SASS6: variants seen among roughly 807,000 people sequenced by gnomAD.
The protein encoded by SASS6 is SAS-6 centriolar assembly protein.
SASS6 carries 59 observed loss-of-function variants against 94.9 expected under a neutral mutation model. The observed-to-expected ratio is 0.62, with a 90% CI of 0.50 to 0.77. The LOEUF is 0.77. SASS6 is among the 30% of genes least tolerant of loss of function. The pLI is 0.00. For missense variants in SASS6, 698 were observed against 734.1 expected (o/e 0.95, Z 0.57); for synonymous variants, 264 against 270.0 (o/e 0.98, Z 0.22).
chr1:100,088,209 G>C lies in SASS6; in HGVS notation c.1702C>G (p.Pro568Ala). 1 of 1,601,914 alleles carries C rather than the reference G, an allele frequency of 6.2e-7. No homozygotes were observed. Among genetic ancestry groups the C allele is most frequent in the Non-Finnish European group, 8.6e-7 (1 of 1,169,260 alleles). Residue 568 changes from proline (P) to alanine (A), a missense_variant, in exon 15 of 17, where the codon CCA becomes GCA. Coordinates refer to ENST00000287482, the MANE Select transcript of SASS6 (RefSeq NM_194292.3). ...TGAACATCTCCTAGTGATGCATTTG[G>C]TTTTGTAAACTGCAAATTAAACTGA... is the stretch of plus-strand genomic sequence containing the variant. ...KVQFNLQFTK[P>A]NASLGDVQSG...
chr1:100,092,343 A>T (rs1651774058), intron 14 of SASS6, among the ~76,000 whole-genome samples: 1 of 152,202 alleles, frequency 6.6e-6, no homozygotes, highest in South Asian at 2.1e-4. Context: ...ATGTATCAAG[A>T]GAAAATATCA....
At chr1:100,111,054 G>A (rs1049466105) in intron 7 of SASS6, among the ~76,000 whole-genome samples, 3 of 151,888 alleles carry the variant, frequency 2.0e-5, no homozygotes, top group Admixed American at 6.6e-5. Context: ...TGTCTGAATC[G>A]TATCACAAAC....
chr1:100,117,181 A>G (rs574583177), intron 7 of SASS6, among the ~76,000 whole-genome samples: 2 of 151,884 alleles, frequency 1.3e-5, no homozygotes, highest in African/African-American at 4.8e-5. Flanking sequence ...AATTCCAGCT[A>G]CTTGGGAGGC....
chr1:100,107,840 T>G lies in SASS6; in HGVS notation c.1026A>C (p.Lys342Asn). The G allele has an allele frequency of 1.9e-6, 3 of 1,612,728 alleles. No individual in the cohort carries two copies. Among genetic ancestry groups the G allele is most frequent in the Non-Finnish European group, 2.5e-6 (3 of 1,179,016 alleles). The change falls in exon 9 of 17, where the codon AAA becomes AAC. Residue 342 changes from lysine to asparagine, a missense_variant. Coordinates refer to ENST00000287482, the MANE Select transcript of SASS6 (RefSeq NM_194292.3). ...GTTCCTGGATTGTATCAAATGCCTC[T>G]TTTGTTCTTAAAACAAGCTGGTCCT... ...KDKDQLVLRTKEAFDTIQEQK... is the reference protein window; with the variant it reads ...KDKDQLVLRTNEAFDTIQEQK...
At position 100,085,270 on chromosome 1, in the gene SASS6, ATTTT is replaced by A; in HGVS notation, c.*54_*57del. 1 of 1,088,746 alleles carries A rather than the reference ATTTT, an allele frequency of 9.2e-7. No homozygotes were observed. The highest frequency in any genetic ancestry group is 1.2e-5 in the South Asian group (1 of 80,314). 67.4% of individuals were successfully genotyped at this position (1,088,746 alleles called of 1,614,324 possible). On this transcript the variant is annotated 3_prime_UTR_variant, in exon 17 of 17. Transcript: ENST00000287482. The stretch of plus-strand genomic sequence containing the variant: ...TTGAGGATCTGGTTTGTGTTGACAT[ATTTT>A]TTAAGCACCTGAGTTTCTAAAATAC...
chr1:100,119,706 T>C (rs911678662), intron 6 of SASS6, among the ~76,000 whole-genome samples: 3 of 152,174 alleles, frequency 2.0e-5, no homozygotes, highest in Non-Finnish European at 4.4e-5. Context: ...TCTGGATGTT[T>C]AAAAGCATGT....
intron 7 of SASS6, 105 bp from the exon 8 acceptor site, chr1:100,110,588 T>C: frequency 1.8e-6 from 1 of 557,280 alleles, no homozygotes; most frequent in African/African-American, 1.9e-5. Context: ...TATTTTTTCT[T>C]TTTCTTTTTT....
In SASS6 at chr1:100,109,804, A is replaced by T. The variant is rs146657839; in HGVS notation, c.861+488T>A. 1.6e-3 allele frequency among the ~76,000 whole-genome samples: 251 copies of T among 152,182 alleles called. 3 individuals carry two copies. The highest frequency in any genetic ancestry group is 5.7e-3 in the African/African-American group (235 of 41,560). Reference sequence around the variant, plus strand: ...AGTTCCTACCTTAAATAACTGTTGTAACAATAAAATGAGTTAATATATGTA... The same window carrying T: ...AGTTCCTACCTTAAATAACTGTTGTTACAATAAAATGAGTTAATATATGTA... On this transcript the variant is annotated intron_variant, in intron 8 of 16. Coordinates refer to ENST00000287482, the MANE Select transcript of SASS6 (RefSeq NM_194292.3).
intron 14 of SASS6, among the ~76,000 whole-genome samples, chr1:100,097,671 C>CA (rs1652199195): frequency 6.6e-6 from 1 of 151,500 alleles, no homozygotes; most frequent in Admixed American, 6.6e-5. Context: ...CAAAAAAATG[C>CA]AAAAAAAGGT....
chr1:100,121,026 G>A (rs1464707777), intron 5 of SASS6, among the ~76,000 whole-genome samples: 1 of 147,934 alleles, frequency 6.8e-6, no homozygotes, highest in Non-Finnish European at 1.5e-5. Flanking sequence ...CTCCAGCCTG[G>A]GCGACAGAGC....
chr1:100,127,594 G>A (rs1474187488), intron 1 of SASS6, among the ~76,000 whole-genome samples: 1 of 152,180 alleles, frequency 6.6e-6, no homozygotes, highest in Non-Finnish European at 1.5e-5. Context: ...CCAGAGAGAG[G>A]AAGAATTATT....
intron 14 of SASS6, among the ~76,000 whole-genome samples, chr1:100,102,352 C>CT (rs146613082): frequency 0.041 from 6,270 of 151,944 alleles, 312 homozygotes; most frequent in African/African-American, 0.12. Context: ...GGCCTGAGAG[C>CT]GTAGGAGACA....
intron 7 of SASS6, among the ~76,000 whole-genome samples, chr1:100,112,080 A>T (rs1653377879): frequency 7.0e-6 from 1 of 143,006 alleles, no homozygotes; most frequent in Non-Finnish European, 1.6e-5. Flanking sequence ...ATACATTAAA[A>T]ATTTTCCATT....
At chr1:100,085,504 T>C (rs1296621007) in intron 16 of SASS6, 32 bp downstream of exon 16, 1 of 1,581,638 alleles carries the variant, frequency 6.3e-7, no homozygotes, top group Non-Finnish European at 8.7e-7. Flanking sequence ...AATTCAACTA[T>C]AAAGTACAAA....
intron 5 of SASS6, 83 bp from the exon 6 acceptor site, chr1:100,120,542 T>C (rs1193091557): frequency 1.2e-5 from 8 of 660,646 alleles, no homozygotes; most frequent in Non-Finnish European, 2.2e-5. Context: ...ATCAGCATCA[T>C]CCTGGAAGCC....
chr1:100,118,989 A>AT (rs753156789), intron 7 of SASS6, 29 bp downstream of exon 7: 39 of 1,465,014 alleles, frequency 2.7e-5, no homozygotes, highest in Non-Finnish European at 3.5e-5. Context: ...AATAAAAGAT[A>AT]TTTTTTCAGT....
At chr1:100,089,827 T>C (rs1349897489) in intron 14 of SASS6, among the ~76,000 whole-genome samples, 3 of 151,842 alleles carry the variant, frequency 2.0e-5, no homozygotes, top group East Asian at 1.9e-4. Context: ...AGTGTGTAAA[T>C]AGTAATGTAT....
intron 14 of SASS6, among the ~76,000 whole-genome samples, chr1:100,088,993 T>C (rs1335018510): frequency 6.6e-6 from 1 of 151,912 alleles, no homozygotes; most frequent in Non-Finnish European, 1.5e-5. Flanking sequence ...GATTCAGAAA[T>C]GGTAGAAATT....
chr1:100,107,258 G>T, intron 11 of SASS6, 116 bp downstream of exon 11: 1 of 679,476 alleles, frequency 1.5e-6, no homozygotes. Flanking sequence ...ATCTAGTCAT[G>T]TTCTTTTGTT....
Sources: allele counts gnomAD v4.1 joint callset (sites outside exome capture counted in the v4.1 genomes callset), GRCh38; gene constraint gnomAD v4.1.1; transcripts MANE v1.5; gene names NCBI Gene and HGNC (gene_info 2026-07-23, HGNC 2026-07-21).